Variants in RFX8 observed in about 807,000 individuals in gnomAD.
The protein encoded by RFX8 is regulatory factor X8.
RFX8 carries 46 observed loss-of-function variants against 54.6 expected under a neutral mutation model. That is an observed-to-expected ratio of 0.84 (90% CI 0.67 to 1.08). RFX8 has a LOEUF of 1.08. Among genes scored for constraint, RFX8 ranks in the 50% least tolerant of loss-of-function variants. The probability of loss-of-function intolerance (pLI) is 0.00; values close to 1 mark genes in which losing one functional copy is unlikely to be tolerated. For synonymous variants in RFX8, 192 were observed against 209.5 expected (o/e 0.92, Z 0.72); for missense variants, 536 against 562.3 (o/e 0.95, Z 0.47).
chr2:101,459,005 CT>C (rs1689128888), intron 2 of RFX8, among the ~76,000 whole-genome samples: 1 of 152,078 alleles, frequency 6.6e-6, no homozygotes, highest in African/African-American at 2.4e-5. Context: ...ATCGAATTGG[CT>C]ATTGAAGCTT....
intron 2 of RFX8, among the ~76,000 whole-genome samples, chr2:101,444,488 G>T (rs900601237): frequency 6.6e-6 from 1 of 152,152 alleles, no homozygotes; most frequent in African/African-American, 2.4e-5. Flanking sequence ...TAATCCCAAA[G>T]ACCAGGTAAG....
intron 2 of RFX8, among the ~76,000 whole-genome samples, chr2:101,449,631 T>C (rs1314969055): frequency 6.6e-6 from 1 of 152,014 alleles, no homozygotes; most frequent in Non-Finnish European, 1.5e-5. Flanking sequence ...ATGTTGAGTG[T>C]GAGGTACCAG....
In RFX8 at chr2:101,410,691, C is replaced by A; in HGVS notation, c.741G>T (p.Leu247Phe). 2 of 1,540,224 alleles carry A rather than the reference C, an allele frequency of 1.3e-6. No individual in the cohort carries two copies. The highest frequency in any genetic ancestry group is 1.8e-6 in the Non-Finnish European group (2 of 1,136,906). ...CCCTGAGATCTGTTGATGTTCCCAGCAAAGAAATTAAGTTTCTTAAACCTA... is the reference window on the plus strand; with the variant it reads ...CCCTGAGATCTGTTGATGTTCCCAGAAAAGAAATTAAGTTTCTTAAACCTA... ...EMKCLRNLISLLGTSTDLRVF... is the reference protein window; with the variant it reads ...EMKCLRNLISFLGTSTDLRVF... The change falls in exon 9 of 12, where the codon TTG becomes TTT. Residue 247 changes from leucine to phenylalanine, a missense_variant. Physicochemically the swap from Leu to Phe is conservative, Grantham distance 22. Coordinates refer to ENST00000428343, the MANE Select transcript of RFX8 (RefSeq NM_001145664.2).
chr2:101,469,354 T>C (rs992559965), intron 1 of RFX8, among the ~76,000 whole-genome samples: 1 of 151,834 alleles, frequency 6.6e-6, no homozygotes, highest in Admixed American at 6.6e-5. Context: ...GGTCTCACTA[T>C]GTTGCCCAAG....
At chr2:101,440,963 G>T (rs1688065184) in intron 2 of RFX8, among the ~76,000 whole-genome samples, 1 of 58,428 alleles carries the variant, frequency 1.7e-5, no homozygotes, top group Non-Finnish European at 3.7e-5. Flanking sequence ...AACCCATGTT[G>T]AAATTTTTTT....
chr2:101,452,434 C>A, intron 2 of RFX8: 2 of 1,356,722 alleles, frequency 1.5e-6, no homozygotes, highest in East Asian at 3.0e-5. Context: ...TCCGGAAAAA[C>A]CAATCTCACA....
Position 101,439,597 on chromosome 2 carries a change from A to AT in RFX8, c.73-17126dup, listed in dbSNP as rs59003125. Among the ~76,000 whole-genome samples, 457 of 145,824 alleles carry AT rather than the reference A, an allele frequency of 3.1e-3. 3 individuals carry two copies. The highest frequency in any genetic ancestry group is 8.8e-3 in the African/African-American group (348 of 39,388). On this transcript the variant is annotated intron_variant, in intron 2 of 11. Transcript: ENST00000428343. ...CATTATGAAGATTAGATTGAAGTTC[A>AT]TTTTTTTTTTTTTGCCTGTGGGTTT...
chr2:101,409,444 T>C (rs554928106), intron 9 of RFX8, among the ~76,000 whole-genome samples: 2 of 151,926 alleles, frequency 1.3e-5, no homozygotes, highest in South Asian at 4.2e-4. Flanking sequence ...GCCAGAATGG[T>C]CTCCATCTCC....
intron 2 of RFX8, among the ~76,000 whole-genome samples, chr2:101,465,383 G>A (rs1470695238): frequency 2.0e-5 from 3 of 152,102 alleles, no homozygotes; most frequent in Admixed American, 1.3e-4. Context: ...GGTGGTGCAC[G>A]CCTGTAGTCC....
intron 2 of RFX8, among the ~76,000 whole-genome samples, chr2:101,459,300 T>C (rs1689143168): frequency 6.6e-6 from 1 of 152,200 alleles, no homozygotes; most frequent in Non-Finnish European, 1.5e-5. Flanking sequence ...GCACTCTGGT[T>C]TTCGGAATTT....
At position 101,410,614 on chromosome 2, in the gene RFX8, C is replaced by A; in HGVS notation, c.813+5G>T. On this transcript the variant is annotated splice_donor_5th_base_variant and intron_variant, in intron 9 of 11. Coordinates refer to ENST00000428343, the MANE Select transcript of RFX8 (RefSeq NM_001145664.2). Reference sequence around the variant, plus strand: ...TTTTTTTTTTTTTAAGTCACAGCTTCCTACCTGGAACACAAATGCTTGGAG... The same window carrying A: ...TTTTTTTTTTTTTAAGTCACAGCTTACTACCTGGAACACAAATGCTTGGAG... 1 of 1,467,870 alleles carries A rather than the reference C, an allele frequency of 6.8e-7. No homozygotes were observed. Among genetic ancestry groups the A allele is most frequent in the South Asian group, 1.3e-5 (1 of 79,104 alleles). 90.9% of individuals were successfully genotyped at this position (1,467,870 alleles called of 1,614,324 possible).
chr2:101,461,179 C>T (rs6737507), intron 2 of RFX8, among the ~76,000 whole-genome samples: 70,134 of 145,854 alleles, frequency 0.48, 18,379 homozygotes, highest in African/African-American at 0.7. Flanking sequence ...TGGAGAATGG[C>T]GTGAACCCAG....
chr2:101,445,394 A>T (rs1688317097), intron 2 of RFX8, among the ~76,000 whole-genome samples: 1 of 151,308 alleles, frequency 6.6e-6, no homozygotes, highest in African/African-American at 2.4e-5. Context: ...ACATCTCGCG[A>T]TTGTTCCTTT....
intron 2 of RFX8, among the ~76,000 whole-genome samples, chr2:101,451,000 C>T (rs946468483): frequency 1.4e-4 from 21 of 152,088 alleles, no homozygotes; most frequent in African/African-American, 4.3e-4. Context: ...CAACCACTGC[C>T]CCCCGACCCC....
intron 2 of RFX8, among the ~76,000 whole-genome samples, chr2:101,424,320 A>G (rs929893313): frequency 7.2e-4 from 110 of 152,364 alleles, no homozygotes; most frequent in Middle Eastern, 3.4e-3. Context: ...ACAATGAGAT[A>G]TCATCTCACA....
At chr2:101,413,714 C>G (rs1008334466) in intron 7 of RFX8, among the ~76,000 whole-genome samples, 4 of 152,166 alleles carry the variant, frequency 2.6e-5, no homozygotes, top group African/African-American at 9.7e-5. Flanking sequence ...CAGGGGCAGG[C>G]TTCAGAACCC....
intron 7 of RFX8, 107 bp downstream of exon 7, chr2:101,414,747 C>A: frequency 1.2e-6 from 1 of 828,680 alleles, no homozygotes; most frequent in Non-Finnish European, 1.9e-6. Context: ...CTGCCCTCTG[C>A]CCTCCAGATG....
In RFX8 at chr2:101,418,910, G is replaced by A. The variant is rs1686695074; in HGVS notation, c.292C>T (p.Leu98=). The change falls in exon 5 of 12, where the codon CTG becomes TTG. Residue 98 remains leucine, a synonymous_variant. Transcript: ENST00000428343. The part of the protein sequence containing the change: ...WKSLQQDTVM[L]MSLPDVCQLF... ...TGGCACACGTCAGGCAATGACATCA[G>A]CATGACTGTGTCTTGCTGCAGAGAC... 1 of 1,551,470 alleles carries A rather than the reference G, an allele frequency of 6.4e-7. No homozygotes were observed. The highest frequency in any genetic ancestry group is 2.0e-5 in the Admixed American group (1 of 50,988).
intron 1 of RFX8, among the ~76,000 whole-genome samples, chr2:101,469,155 C>T (rs1397619181): frequency 1.1e-4 from 14 of 129,536 alleles, no homozygotes; most frequent in East Asian, 4.4e-4. Context: ...TATATATATA[C>T]ACACACACAC....
Sources: allele counts gnomAD v4.1 joint callset (sites outside exome capture counted in the v4.1 genomes callset), GRCh38; gene constraint gnomAD v4.1.1; transcripts MANE v1.5; gene names NCBI Gene and HGNC (gene_info 2026-07-23, HGNC 2026-07-21).